Variants in DIP2B observed in about 807,000 individuals in gnomAD.
DIP2B encodes disco-interacting protein 2 homolog B.
DIP2B carries 76 observed loss-of-function variants against 198.0 expected under a neutral mutation model. The observed-to-expected ratio is 0.38, with a 90% CI of 0.32 to 0.46. The LOEUF (loss-of-function observed/expected upper bound fraction) is 0.46, where lower values mean the gene tolerates loss of function less well. DIP2B is among the 20% of genes least tolerant of loss of function. DIP2B has a pLI of 0.99. For synonymous variants in DIP2B, 701 were observed against 739.1 expected, an observed-to-expected ratio of 0.95 and a Z score of 0.84; for missense variants, 1,559 against 1,978.4, an observed-to-expected ratio of 0.79 and a Z score of 4.02.
Position 50,744,711 on chromosome 12 carries a change from G to T in DIP2B, c.4603G>T (p.Gly1535Cys). 6.2e-7 allele frequency: 1 copy of T among 1,614,154 alleles called. No individual in the cohort carries two copies. The highest frequency in any genetic ancestry group is 8.5e-7 in the Non-Finnish European group (1 of 1,180,038). ...CCTGGAAGAGCATTACCTCATCGTT[G>T]GCGTCGTGGTTGTGGTGGACCCAGG... The part of the protein sequence containing the change: ...VVLEEHYLIV[G>C]VVVVVDPGVI... Residue 1535 changes from glycine to cysteine, a missense_variant, in exon 38 of 38, where the codon GGC (glycine) becomes TGC (cysteine). Transcript: ENST00000301180.
At chr12:50,599,314 A>G (rs10876068) in intron 1 of DIP2B, among the ~76,000 whole-genome samples, 30,947 of 150,594 alleles carry the variant, frequency 0.21, 3,716 homozygotes, top group East Asian at 0.39. Context: ...AAAAAATTAA[A>G]ATTTAAAAAC....
intron 23 of DIP2B, among the ~76,000 whole-genome samples, chr12:50,716,018 C>T (rs907170616): frequency 2.0e-5 from 3 of 152,198 alleles, no homozygotes; most frequent in Non-Finnish European, 1.5e-5. Flanking sequence ...CATAGACTCA[C>T]GAAATGCACA....
chr12:50,617,673 G>A (rs903454916), intron 1 of DIP2B, among the ~76,000 whole-genome samples: 3 of 152,228 alleles, frequency 2.0e-5, no homozygotes, highest in South Asian at 4.1e-4. Flanking sequence ...CCCGGCAGTG[G>A]TGGCATTTGC....
intron 2 of DIP2B, among the ~76,000 whole-genome samples, chr12:50,637,856 G>GT (rs1163053112): frequency 6.6e-6 from 1 of 152,110 alleles, no homozygotes; most frequent in African/African-American, 2.4e-5. Context: ...GAAATGTGTA[G>GT]TTTTTTGCTA....
chr12:50,523,516 A>G (rs1017795763), intron 1 of DIP2B, among the ~76,000 whole-genome samples: 1 of 152,258 alleles, frequency 6.6e-6, no homozygotes, highest in Non-Finnish European at 1.5e-5. Flanking sequence ...GAGTCCAATT[A>G]GAACTCCAAT....
intron 1 of DIP2B, among the ~76,000 whole-genome samples, chr12:50,547,010 T>G (rs1958383567): frequency 6.6e-6 from 1 of 152,218 alleles, no homozygotes; most frequent in African/African-American, 2.4e-5. Flanking sequence ...TCGGTTCACC[T>G]TACCTCCTTA....
At chr12:50,663,693 G>C (rs553604736) in intron 4 of DIP2B, among the ~76,000 whole-genome samples, 28 of 151,152 alleles carry the variant, frequency 1.9e-4, no homozygotes, top group Middle Eastern at 3.5e-3. Context: ...AATATAGCGA[G>C]ACCCCATCTC....
At chr12:50,658,470 T>G (rs76490338) in intron 3 of DIP2B, among the ~76,000 whole-genome samples, 318 of 152,286 alleles carry the variant, frequency 2.1e-3, no homozygotes, top group African/African-American at 7.4e-3. Context: ...GTCCTGGGGT[T>G]ATATAAGAGA....
intron 1 of DIP2B, among the ~76,000 whole-genome samples, chr12:50,622,900 C>T (rs2139465090): frequency 6.6e-6 from 1 of 151,998 alleles, no homozygotes; most frequent in Middle Eastern, 3.5e-3. Context: ...GCGTGAGCCA[C>T]CTTGCCCAGC....
At chr12:50,531,538 T>C (rs1228494222) in intron 1 of DIP2B, among the ~76,000 whole-genome samples, 1 of 152,064 alleles carries the variant, frequency 6.6e-6, no homozygotes, top group Non-Finnish European at 1.5e-5. Context: ...ACTGAGAAAA[T>C]GCAATTGAGA....
Position 50,706,546 on chromosome 12 carries a change from G to C in DIP2B, c.2415G>C (p.Leu805Phe). ...TCATCATTACCTTTCAGGGTAGTTT[G>C]GTGTTCGTGGTTGGGAAAATGGATG... The part of the protein sequence containing the change: ...GLLGFVGPGS[L>F]VFVVGKMDGL... Residue 805 changes from leucine to phenylalanine, a missense_variant, in exon 21 of 38, where the codon TTG (leucine) becomes TTC (phenylalanine). Transcript: ENST00000301180. 6.2e-7 allele frequency: 1 copy of C among 1,613,952 alleles called. No individual in the cohort carries two copies. Among genetic ancestry groups the C allele is most frequent in the Middle Eastern group, 1.7e-4 (1 of 6,058 alleles).
chr12:50,739,633 G>A (rs1386297547), intron 36 of DIP2B, 47 bp downstream of exon 36: 2 of 1,602,418 alleles, frequency 1.2e-6, no homozygotes. Flanking sequence ...TGTTTCTGTA[G>A]CACTAGCTGA....
chr12:50,674,445 T>C (rs1317769392), intron 5 of DIP2B, 29 bp from the exon 6 acceptor site: 1 of 1,613,258 alleles, frequency 6.2e-7, no homozygotes, highest in Admixed American at 1.7e-5. Context: ...GCTGCTAATA[T>C]AATTCTAAAC....
At chr12:50,610,805 C>CTTT (rs58612726) in intron 1 of DIP2B, among the ~76,000 whole-genome samples, 5 of 138,444 alleles carry the variant, frequency 3.6e-5, no homozygotes, top group South Asian at 2.3e-4. Context: ...TGTGCCCAAC[C>CTTT]TTTTTTTTTT....
chr12:50,593,886 C>A (rs183420764), intron 1 of DIP2B, among the ~76,000 whole-genome samples: 1 of 16,946 alleles, frequency 5.9e-5, no homozygotes, highest in Non-Finnish European at 1.0e-4. Flanking sequence ...CCTCCCCTCT[C>A]CTCCCCTCCC....
chr12:50,659,032 A>T (rs1183486867), intron 3 of DIP2B, among the ~76,000 whole-genome samples: 3 of 152,190 alleles, frequency 2.0e-5, no homozygotes, highest in African/African-American at 7.2e-5. Context: ...GGTTGCAGTG[A>T]GCTGAGATTG....
chr12:50,578,085 C>T (rs1420606788), intron 1 of DIP2B, among the ~76,000 whole-genome samples: 1 of 152,216 alleles, frequency 6.6e-6, no homozygotes, highest in African/African-American at 2.4e-5. Context: ...AATCTTGGCT[C>T]ACTGCAACCT....
At chr12:50,733,889 C>T (rs1333736237) in intron 32 of DIP2B, among the ~76,000 whole-genome samples, 6 of 152,172 alleles carry the variant, frequency 3.9e-5, no homozygotes, top group Admixed American at 3.9e-4. Flanking sequence ...TTGCAAGTCC[C>T]TGGGTTGCCG....
At chr12:50,639,289 C>T (rs1345726537) in intron 2 of DIP2B, among the ~76,000 whole-genome samples, 1 of 151,968 alleles carries the variant, frequency 6.6e-6, no homozygotes, top group Admixed American at 6.6e-5. Context: ...TGGTTGCCAA[C>T]TGAGGTCATT....
Sources: allele counts gnomAD v4.1 joint callset (sites outside exome capture counted in the v4.1 genomes callset), GRCh38; gene constraint gnomAD v4.1.1; transcripts MANE v1.5; gene names NCBI Gene and HGNC (gene_info 2026-07-23, HGNC 2026-07-21).